The following SYNJ1 variants were observed in gnomAD, a reference collection of about 807,000 sequenced individuals.
SYNJ1 encodes the protein synaptojanin 1, also known as polyphosphatidylinositol phosphatase SYNJ1.
In SYNJ1, 78 loss-of-function variants were observed where a neutral mutation model predicts 168.2. The observed-to-expected ratio is 0.46, with a 90% CI of 0.39 to 0.56. The LOEUF (loss-of-function observed/expected upper bound fraction) is 0.56. Among genes scored for constraint, SYNJ1 ranks in the 20% least tolerant of loss-of-function variants. The pLI is 0.00. For missense variants in SYNJ1, 1,303 were observed against 1,597.6 expected, an observed-to-expected ratio of 0.82 and a Z score of 3.14; for synonymous variants, 539 against 548.6, an observed-to-expected ratio of 0.98 and a Z score of 0.24.
rs1263078561 is a variant in SYNJ1 at position 32,686,975 on chromosome 21, T to C, written c.948+3A>G. 3.3e-6 allele frequency: 5 copies of C among 1,523,984 alleles called. No individual in the cohort carries two copies. Among genetic ancestry groups the C allele is most frequent in the African/African-American group, 2.9e-5 (2 of 69,554 alleles). The allele number at this position is 1,523,984 out of a possible 1,614,324, so 94.4% of individuals were successfully genotyped here. On this transcript the variant is annotated splice_donor_region_variant and intron_variant, in intron 8 of 32. Coordinates refer to ENST00000674351, the MANE Select transcript of SYNJ1 (RefSeq NM_203446.3). ...GAATGAAATAAGAAATGACCATACT[T>C]ACCTGGAAAGCTTTACTTAGCATAT...
intron 4 of SYNJ1, among the ~76,000 whole-genome samples, chr21:32,696,123 A>G (rs1299643185): frequency 6.6e-6 from 1 of 152,182 alleles, no homozygotes; most frequent in Non-Finnish European, 1.5e-5. Flanking sequence ...AAGTGCTGGG[A>G]TTACAGGCGT....
chr21:32,639,046 C>A lies in SYNJ1; in HGVS notation c.3777G>T (p.Arg1259Ser). ...CCACAGGGACAAGAGGCTCTTGCAA[C>A]CTTTGAGCAGGCGGGGGCAAAGAAG... ...PQSSLPPPAQ[R>S]LQEPLVPVAA... Residue 1259 changes from arginine to serine, a missense_variant, in exon 31 of 33, where the codon AGG (arginine) becomes AGT (serine). Coordinates refer to ENST00000674351, the MANE Select transcript of SYNJ1 (RefSeq NM_203446.3). 1 of 1,613,932 alleles carries A rather than the reference C, an allele frequency of 6.2e-7. No homozygotes were observed. The highest frequency in any genetic ancestry group is 8.5e-7 in the Non-Finnish European group (1 of 1,179,910).
chr21:32,713,975 C>T (rs948715785), intron 2 of SYNJ1, among the ~76,000 whole-genome samples: 34 of 152,170 alleles, frequency 2.2e-4, no homozygotes, highest in Non-Finnish European at 4.6e-4. Context: ...GGAAAGCTCT[C>T]TGGTATGCTA....
At chr21:32,669,932 T>C (rs1396027498) in intron 15 of SYNJ1, among the ~76,000 whole-genome samples, 2 of 152,168 alleles carry the variant, frequency 1.3e-5, no homozygotes, top group African/African-American at 4.8e-5. Flanking sequence ...GTGCCACCCT[T>C]CTCAGTAAAT....
chr21:32,684,189 G>A, intron 9 of SYNJ1, 70 bp from the exon 10 acceptor site: 2 of 1,450,528 alleles, frequency 1.4e-6, no homozygotes, highest in Non-Finnish European at 1.9e-6. Context: ...GAATAATTGA[G>A]GTAATTAAAA....
In SYNJ1 at chr21:32,683,765, T is replaced by C. The variant is rs73194278; in HGVS notation, c.1200+273A>G. 6.1e-3 allele frequency among the ~76,000 whole-genome samples: 922 copies of C among 151,718 alleles called. 8 individuals carry two copies. The highest frequency in any genetic ancestry group is 9.7e-3 in the Non-Finnish European group (655 of 67,812). Reference sequence around the variant, plus strand: ...TTTCCTCCAAAAGACAGGGAAAAAATTGTTGAAATACTATAAACAGCAGAT... The same window carrying C: ...TTTCCTCCAAAAGACAGGGAAAAAACTGTTGAAATACTATAAACAGCAGAT... On this transcript the variant is annotated intron_variant, in intron 10 of 32. Transcript: ENST00000674351.
At chr21:32,706,825 T>C (rs910319284) in intron 2 of SYNJ1, among the ~76,000 whole-genome samples, 2 of 152,166 alleles carry the variant, frequency 1.3e-5, no homozygotes, top group South Asian at 4.1e-4. Context: ...CCCACTTCTC[T>C]GATAATTTAA....
chr21:32,675,456 C>G (rs921725431), intron 13 of SYNJ1, among the ~76,000 whole-genome samples: 4 of 151,986 alleles, frequency 2.6e-5, no homozygotes, highest in Non-Finnish European at 2.9e-5. Context: ...GATGTCCATC[C>G]CTAAATACCA....
intron 13 of SYNJ1, among the ~76,000 whole-genome samples, chr21:32,674,109 G>T (rs2041310105): frequency 6.6e-6 from 1 of 152,162 alleles, no homozygotes; most frequent in South Asian, 2.1e-4. Context: ...GGAAGCCAAA[G>T]TGCTTAAACA....
At chr21:32,669,356 T>G (rs2041087685) in intron 15 of SYNJ1, among the ~76,000 whole-genome samples, 1 of 152,200 alleles carries the variant, frequency 6.6e-6, no homozygotes, top group African/African-American at 2.4e-5. Context: ...AGGCAAAAAT[T>G]AGTATTCTGG....
intron 2 of SYNJ1, among the ~76,000 whole-genome samples, chr21:32,714,144 C>G (rs1331076266): frequency 2.6e-5 from 4 of 152,080 alleles, no homozygotes; most frequent in African/African-American, 9.7e-5. Context: ...GCAGACGGAA[C>G]AGCATATGTA....
At chr21:32,683,608 T>C (rs984368185) in intron 10 of SYNJ1, among the ~76,000 whole-genome samples, 9 of 152,248 alleles carry the variant, frequency 5.9e-5, no homozygotes, top group Non-Finnish European at 1.2e-4. Context: ...GGGTTACAAA[T>C]TGTCAAAAAT....
intron 2 of SYNJ1, among the ~76,000 whole-genome samples, chr21:32,710,433 A>G (rs1036520611): frequency 2.0e-5 from 3 of 152,238 alleles, no homozygotes; most frequent in Admixed American, 6.5e-5. Flanking sequence ...TGAGACAGCC[A>G]GAAGCTACTG....
At chr21:32,706,532 T>G (rs1345632027) in intron 2 of SYNJ1, among the ~76,000 whole-genome samples, 1 of 151,124 alleles carries the variant, frequency 6.6e-6, no homozygotes, top group African/African-American at 2.4e-5. Context: ...GGAAAAAAAG[T>G]TATTTGTACT....
intron 30 of SYNJ1, among the ~76,000 whole-genome samples, 154 bp downstream of exon 30, chr21:32,639,517 G>A (rs551824162): frequency 9.2e-5 from 14 of 152,102 alleles, no homozygotes; most frequent in East Asian, 3.9e-4. Flanking sequence ...TTAGCCGCCC[G>A]AGTAGCTGGG....
chr21:32,654,335 A>G (rs1214544276), intron 21 of SYNJ1, among the ~76,000 whole-genome samples: 2 of 152,228 alleles, frequency 1.3e-5, no homozygotes, highest in Admixed American at 6.5e-5. Context: ...ACCGATTTCT[A>G]CAATCCCACA....
At chr21:32,674,583 GA>G (rs2041330510) in intron 13 of SYNJ1, among the ~76,000 whole-genome samples, 1 of 150,296 alleles carries the variant, frequency 6.7e-6, no homozygotes, top group South Asian at 2.1e-4. Flanking sequence ...ATTGTTAAAT[GA>G]ATGAATGTTC....
intron 28 of SYNJ1, 43 bp from the exon 29 acceptor site, chr21:32,642,009 T>C: frequency 6.2e-7 from 1 of 1,612,464 alleles, no homozygotes; most frequent in Non-Finnish European, 8.5e-7. Context: ...TTTAAAAAAA[T>C]AAACAAGAAA....
At chr21:32,689,429 T>C (rs1601429781) in intron 6 of SYNJ1, among the ~76,000 whole-genome samples, 1 of 152,210 alleles carries the variant, frequency 6.6e-6, no homozygotes, top group Admixed American at 6.5e-5. Flanking sequence ...CCCGAGTGGC[T>C]GGGACTACAG....
Sources: allele counts gnomAD v4.1 joint callset (sites outside exome capture counted in the v4.1 genomes callset), GRCh38; gene constraint gnomAD v4.1.1; transcripts MANE v1.5; gene names NCBI Gene and HGNC (gene_info 2026-07-23, HGNC 2026-07-21).